The following LCA5 variants were observed in gnomAD, a reference collection of about 807,000 sequenced individuals.
LCA5 encodes lebercilin LCA5.
A neutral mutation model predicts 53.0 loss-of-function variants in LCA5; 37 were observed. That is an observed-to-expected ratio of 0.70 (90% CI 0.54 to 0.92). The LOEUF (loss-of-function observed/expected upper bound fraction) is 0.92. Among genes scored for constraint, LCA5 ranks in the 40% least tolerant of loss-of-function variants. LCA5 has a pLI of 0.00. For synonymous variants in LCA5, 303 were observed against 282.9 expected, an observed-to-expected ratio of 1.07 and a Z score of -0.71; for missense variants, 806 against 790.5, an observed-to-expected ratio of 1.02 and a Z score of -0.23.
At chr6:79,517,732 T>C (rs1027312368) in intron 2 of LCA5, among the ~76,000 whole-genome samples, 5 of 152,322 alleles carry the variant, frequency 3.3e-5, no homozygotes, top group African/African-American at 4.8e-5. Context: ...CAGTTTTTAA[T>C]AAGCGAATAT....
intron 3 of LCA5, among the ~76,000 whole-genome samples, chr6:79,506,957 G>A (rs59519460): frequency 0.01 from 1,555 of 152,178 alleles, 26 homozygotes; most frequent in African/African-American, 0.036. Context: ...AATACAAAAC[G>A]CTCATTAATA....
chr6:79,534,623 A>G (rs906179606), intron 1 of LCA5, among the ~76,000 whole-genome samples: 1 of 152,192 alleles, frequency 6.6e-6, no homozygotes, highest in Admixed American at 6.5e-5. Flanking sequence ...GTAAACTCAG[A>G]ACTAAGATTA....
At chr6:79,534,778 G>A (rs1275229422) in intron 1 of LCA5, among the ~76,000 whole-genome samples, 1 of 152,096 alleles carries the variant, frequency 6.6e-6, no homozygotes, top group African/African-American at 2.4e-5. Context: ...AGAAAAAGAA[G>A]ACAGTGAAGT....
At chr6:79,508,552 G>A (rs1309032271) in intron 3 of LCA5, among the ~76,000 whole-genome samples, 5 of 136,022 alleles carry the variant, frequency 3.7e-5, no homozygotes, top group Admixed American at 2.5e-4. Flanking sequence ...AATGGGACAA[G>A]CTATAAACAA....
At chr6:79,489,390 C>T (rs570919514) in intron 6 of LCA5, among the ~76,000 whole-genome samples, 174 bp from the exon 7 acceptor site, 2 of 152,060 alleles carry the variant, frequency 1.3e-5, no homozygotes, top group South Asian at 2.1e-4. Flanking sequence ...TCTTCAAAAC[C>T]GCACAGGATT....
intron 5 of LCA5, 37 bp from the exon 6 acceptor site, chr6:79,491,767 G>A (rs1278631203): frequency 6.4e-7 from 1 of 1,574,738 alleles, no homozygotes; most frequent in East Asian, 2.3e-5. Flanking sequence ...TTATTACAAT[G>A]AATAATGCTA....
chr6:79,525,831 C>G (rs1288639356), intron 1 of LCA5, among the ~76,000 whole-genome samples: 1 of 152,182 alleles, frequency 6.6e-6, no homozygotes, highest in African/African-American at 2.4e-5. Context: ...GCAGGAGCCA[C>G]AAGCCGGAGC....
chr6:79,513,179 AG>A (rs766129513), intron 3 of LCA5, 32 bp downstream of exon 3: 1 of 1,593,362 alleles, frequency 6.3e-7, no homozygotes, highest in Non-Finnish European at 8.6e-7. Context: ...AAACATCCCA[AG>A]AAAGTACAAT....
In LCA5 at chr6:79,532,976, T is replaced by C. The variant is rs558220525; in HGVS notation, c.-192+4189A>G. Among the ~76,000 whole-genome samples, 7 of 152,278 alleles carry C rather than the reference T, an allele frequency of 4.6e-5. No homozygotes were observed. The South Asian group carries it at 1.5e-3, about 32-fold the overall frequency. On this transcript the variant is annotated intron_variant, in intron 1 of 7. Transcript: ENST00000369846. ...TTTAAAGAAAATATTAAATCTTCCC[T>C]CTTTTAAAATAATTGCATAAGAATT...
intron 3 of LCA5, among the ~76,000 whole-genome samples, chr6:79,512,647 A>G (rs1377342974): frequency 6.6e-6 from 1 of 151,966 alleles, no homozygotes; most frequent in Admixed American, 6.6e-5. Flanking sequence ...GTGGCAACTG[A>G]CTGCCCTGTG....
chr6:79,509,306 T>C (rs1465779560), intron 3 of LCA5, among the ~76,000 whole-genome samples: 1 of 151,902 alleles, frequency 6.6e-6, no homozygotes, highest in African/African-American at 2.4e-5. Context: ...ATACAAAAAT[T>C]AGCCGGGCAT....
At chr6:79,506,765 T>C (rs1770281541) in intron 3 of LCA5, among the ~76,000 whole-genome samples, 1 of 152,184 alleles carries the variant, frequency 6.6e-6, no homozygotes, top group East Asian at 1.9e-4. Context: ...AATACTAAGA[T>C]TATATTTGCT....
chr6:79,505,069 T>C (rs1770240313), intron 3 of LCA5, among the ~76,000 whole-genome samples: 1 of 152,204 alleles, frequency 6.6e-6, no homozygotes, highest in Non-Finnish European at 1.5e-5. Flanking sequence ...TTTCATTGTC[T>C]ATCCTTTTGT....
chr6:79,495,187 C>A (rs1769946923), intron 3 of LCA5, among the ~76,000 whole-genome samples: 1 of 152,196 alleles, frequency 6.6e-6, no homozygotes, highest in African/African-American at 2.4e-5. Context: ...CTAAGTTGTG[C>A]TCTTCTTATG....
At chr6:79,498,297 G>A (rs1353465781) in intron 3 of LCA5, among the ~76,000 whole-genome samples, 1 of 152,060 alleles carries the variant, frequency 6.6e-6, no homozygotes, top group East Asian at 1.9e-4. Flanking sequence ...AAACTGTATA[G>A]GAGTGTTCTT....
At chr6:79,529,688 A>G (rs1766899224) in intron 1 of LCA5, among the ~76,000 whole-genome samples, 1 of 152,072 alleles carries the variant, frequency 6.6e-6, no homozygotes, top group African/African-American at 2.4e-5. Context: ...ACAATAGCAA[A>G]GACTTGGAAC....
At chr6:79,524,626 A>G (rs2803196) in intron 1 of LCA5, among the ~76,000 whole-genome samples, 2,869 of 152,290 alleles carry the variant, frequency 0.019, 85 homozygotes, top group African/African-American at 0.064. Flanking sequence ...CAGAAAGTCA[A>G]TTAATGAACA....
rs1766320855 is a variant in LCA5, at chr6:79,513,605, C to T, written c.327G>A (p.Leu109=). Residue 109 remains leucine, a synonymous_variant, in exon 3 of 8, where the codon CTG becomes CTA. Coordinates refer to ENST00000369846, the MANE Select transcript of LCA5 (RefSeq NM_001122769.3). ...CATTCTGCAACTCATTGATTTTTAG[C>T]AGTCTTGCAGACAGAATCCGTTTTG... The part of the protein sequence containing the change: ...LVTKRILSAR[L]LKINELQNEV... The T allele has an allele frequency of 6.2e-7, 1 of 1,613,902 alleles. No individual in the cohort carries two copies. The highest frequency in any genetic ancestry group is 8.5e-7 in the Non-Finnish European group (1 of 1,179,854).
At chr6:79,488,679 C>A in intron 7 of LCA5, 1 of 291,044 alleles carries the variant, frequency 3.4e-6, no homozygotes, top group East Asian at 6.7e-5. Flanking sequence ...GGGCATGACA[C>A]AACTCACTCA....
Sources: gnomAD v4.1 joint callset for allele counts (sites outside exome capture counted in the v4.1 genomes callset) on GRCh38, gnomAD v4.1.1 for gene constraint, MANE v1.5 for transcripts, NCBI Gene and HGNC (gene_info 2026-07-23, HGNC 2026-07-21) for gene names.